The following PECAM1 variants were observed in gnomAD, a reference collection of about 807,000 sequenced individuals.
PECAM1 encodes platelet and endothelial cell adhesion molecule 1, also known as platelet endothelial cell adhesion molecule.
In PECAM1, 8 loss-of-function variants were observed where a neutral mutation model predicts 13.8. The ratio of observed to expected loss-of-function variants is 0.58; its 90% CI spans 0.34 to 1.05. The LOEUF is 1.05. Among genes scored for constraint, PECAM1 ranks in the 50% least tolerant of loss-of-function variants. The pLI, the probability that PECAM1 is intolerant of heterozygous loss-of-function variation, is 0.03. For synonymous variants in PECAM1, 136 were observed against 52.6 expected (o/e 2.58, Z -6.86); for missense variants, 304 against 141.2 (o/e 2.15, Z -5.84).
intron 10 of PECAM1, 56 bp from the exon 11 acceptor site, chr17:64,352,519 T>A (rs970961919): frequency 9.9e-5 from 42 of 423,192 alleles, no homozygotes; most frequent in African/African-American, 8.0e-4. Flanking sequence ...GTTGTTGTTA[T>A]TGTTCTAACC....
At chr17:64,328,739 G>A (rs1555646105) in intron 15 of PECAM1, among the ~76,000 whole-genome samples, 2 of 152,232 alleles carry the variant, frequency 1.3e-5, no homozygotes, top group African/African-American at 4.8e-5. Flanking sequence ...AAATCTTGCT[G>A]AAAGTTCTTC....
At chr17:64,341,854 T>G (rs1158585535) in intron 13 of PECAM1, among the ~76,000 whole-genome samples, 164 bp from the exon 14 acceptor site, 2 of 152,022 alleles carry the variant, frequency 1.3e-5, no homozygotes, top group African/African-American at 4.8e-5. Flanking sequence ...TCATTTCTGA[T>G]GTTAGAAGAT....
rs2036496799 is a variant in PECAM1, at chr17:64,382,201, G to A, written c.92-4084C>T. The stretch of plus-strand genomic sequence containing the variant: ...TCTCTTCCCTCTCAGAGACAGTTAG[G>A]TCTCCTTCCATTACCTCTTCAGTAC... On this transcript the variant is annotated intron_variant, in intron 2 of 15. Transcript: ENST00000563924. 2.0e-5 allele frequency among the ~76,000 whole-genome samples: 3 copies of A among 152,194 alleles called. No homozygotes were observed. The South Asian group carries it at 6.2e-4, about 32-fold the overall frequency.
rs1555644213 is a variant in PECAM1, at chr17:64,319,919, C to T, written c.*3897G>A. The T allele has an allele frequency of 6.6e-6, 1 of 152,142 alleles. No individual in the cohort carries two copies. The highest frequency in any genetic ancestry group is 1.5e-5 in the Non-Finnish European group (1 of 68,046). The allele number at this position is 152,142 out of a possible 1,614,324, so 9.4% of individuals were successfully genotyped here. ...TTATTATTTTACAGAGACAGTTTAA[C>T]AACCACCTGACCATCACCTGATGGT... On this transcript the variant is annotated 3_prime_UTR_variant, in exon 16 of 16. Transcript: ENST00000563924.
intron 15 of PECAM1, among the ~76,000 whole-genome samples, chr17:64,326,401 G>A (rs1454349152): frequency 6.6e-6 from 1 of 152,224 alleles, no homozygotes; most frequent in Non-Finnish European, 1.5e-5. Flanking sequence ...TGGGGAACAG[G>A]ATGCAGGGCC....
intron 2 of PECAM1, among the ~76,000 whole-genome samples, chr17:64,388,395 C>G (rs955620593): frequency 6.6e-6 from 1 of 152,066 alleles, no homozygotes; most frequent in East Asian, 1.9e-4. Flanking sequence ...TAGTAAACAC[C>G]ATTGTCATTT....
chr17:64,366,585 C>T (rs1478920264), intron 5 of PECAM1, among the ~76,000 whole-genome samples: 1 of 151,916 alleles, frequency 6.6e-6, no homozygotes, highest in African/African-American at 2.4e-5. Context: ...AAATGTCCAA[C>T]AATGATAGAC....
intron 7 of PECAM1, among the ~76,000 whole-genome samples, chr17:64,358,111 C>CTTTT (rs141671796): frequency 0.054 from 3,862 of 71,508 alleles, 834 homozygotes; most frequent in Middle Eastern, 0.083. Flanking sequence ...TGGCCACAGT[C>CTTTT]TTTTTTTTTT....
chr17:64,352,851 C>T (rs2035759450), intron 10 of PECAM1, among the ~76,000 whole-genome samples: 1 of 152,078 alleles, frequency 6.6e-6, no homozygotes, highest in Non-Finnish European at 1.5e-5. Flanking sequence ...GATGGGGTTT[C>T]GCTGGCTAGG....
rs386627305 is a variant in PECAM1, at chr17:64,377,617, A to AAAGGAAGGAAGG, written c.385+195_385+206dup. On this transcript the variant is annotated intron_variant, in intron 3 of 15. Transcript: ENST00000563924. ...CAGAGTGAGACTCCATCAAAGAAAGAAAGGAAGGAAGGAAGGAAGGAAGGG... is the reference window on the plus strand; with the variant it reads ...CAGAGTGAGACTCCATCAAAGAAAGAAAGGAAGGAAGGAAGGAAGGAAGGAAGGAAGGAAGGG... The AAAGGAAGGAAGG allele has an allele frequency of 2.7e-4, 68 of 252,250 alleles. 2 individuals are homozygous for AAAGGAAGGAAGG. Among genetic ancestry groups the AAAGGAAGGAAGG allele is most frequent in the African/African-American group, 1.2e-3 (48 of 40,232 alleles). 15.6% of individuals were successfully genotyped at this position (252,250 alleles called of 1,614,324 possible). A position where few individuals can be genotyped will look rare whatever the true frequency, so the allele number is the denominator to read the frequency against.
chr17:64,374,669 A>C (rs1302266808), intron 4 of PECAM1, among the ~76,000 whole-genome samples: 1 of 152,024 alleles, frequency 6.6e-6, no homozygotes, highest in Non-Finnish European at 1.5e-5. Context: ...CTGTAATCCC[A>C]GCTACTCCAG....
At chr17:64,325,944 A>G (rs1183866001) in intron 15 of PECAM1, among the ~76,000 whole-genome samples, 1 of 152,198 alleles carries the variant, frequency 6.6e-6, no homozygotes, top group Non-Finnish European at 1.5e-5. Flanking sequence ...ATATTGTATC[A>G]ATTATTGATA....
At chr17:64,380,975 G>A (rs2036469964) in intron 2 of PECAM1, among the ~76,000 whole-genome samples, 1 of 152,088 alleles carries the variant, frequency 6.6e-6, no homozygotes. Context: ...ATAAGACTCT[G>A]TCTGCAAAAA....
At chr17:64,352,764 C>T (rs906160745) in intron 10 of PECAM1, among the ~76,000 whole-genome samples, 6 of 152,126 alleles carry the variant, frequency 3.9e-5, no homozygotes, top group East Asian at 3.9e-4. Flanking sequence ...AAGCGATTCT[C>T]GTGCCTCAGC....
Position 64,338,317 on chromosome 17 carries a change from C to T in PECAM1, c.2164+3317G>A, listed in dbSNP as rs979709339. On this transcript the variant is annotated intron_variant, in intron 14 of 15. Coordinates refer to ENST00000563924, the MANE Select transcript of PECAM1 (RefSeq NM_000442.5). The stretch of plus-strand genomic sequence containing the variant: ...CTGGTCTCAAATTCCTGGGCTCAAG[C>T]GATTCTCTCACCTCAGCCTTCCAAA... Among the ~76,000 whole-genome samples, 36 of 143,240 alleles carry T rather than the reference C, an allele frequency of 2.5e-4. No homozygotes were observed. In the Admixed American group the frequency reaches 2.5e-3, roughly 10 times the overall value. 94.0% of individuals were successfully genotyped at this position (143,240 alleles called of 152,430 possible).
At chr17:64,326,266 C>A (rs1358300026) in intron 15 of PECAM1, among the ~76,000 whole-genome samples, 1 of 152,228 alleles carries the variant, frequency 6.6e-6, no homozygotes, top group East Asian at 1.9e-4. Context: ...CTCAGCAAGG[C>A]AGAAGCTGGA....
At chr17:64,330,887 C>CT (rs1271340876) in intron 14 of PECAM1, among the ~76,000 whole-genome samples, 1 of 151,938 alleles carries the variant, frequency 6.6e-6, no homozygotes, top group African/African-American at 2.4e-5. Flanking sequence ...TTTCTGAAAA[C>CT]TTCTTAAGCA....
intron 9 of PECAM1, among the ~76,000 whole-genome samples, chr17:64,354,437 A>G (rs1227166014): frequency 1.3e-5 from 2 of 152,130 alleles, no homozygotes; most frequent in Admixed American, 1.3e-4. Context: ...CAGAGGCTCC[A>G]AAAGAACCTA....
At chr17:64,330,731 A>G (rs1486486066) in intron 14 of PECAM1, among the ~76,000 whole-genome samples, 2 of 145,068 alleles carry the variant, frequency 1.4e-5, no homozygotes, top group Non-Finnish European at 3.0e-5. Flanking sequence ...ATCTGGCCTC[A>G]TTCTCCAAAC....
Sources: gnomAD v4.1 joint callset for allele counts (sites outside exome capture counted in the v4.1 genomes callset) on GRCh38, gnomAD v4.1.1 for gene constraint, MANE v1.5 for transcripts, NCBI Gene and HGNC (gene_info 2026-07-23, HGNC 2026-07-21) for gene names.